The following GRID2 variants were observed in gnomAD, a reference collection of about 807,000 sequenced individuals.
The protein encoded by GRID2 is glutamate receptor ionotropic, delta-2.
A neutral mutation model predicts 114.8 loss-of-function variants in GRID2; 33 were observed. The observed-to-expected ratio is 0.29, with a 90% CI of 0.22 to 0.38. GRID2 has a LOEUF of 0.38. Ranked by LOEUF, GRID2 falls within the 10% of genes least tolerant of loss-of-function variation. GRID2 has a pLI of 1.00. For missense variants in GRID2, 1,184 were observed against 1,257.7 expected (o/e 0.94, Z 0.89); for synonymous variants, 505 against 449.9 (o/e 1.12, Z -1.55).
chr4:93,153,807 T>A (rs1579132938), intron 4 of GRID2, among the ~76,000 whole-genome samples: 1 of 152,234 alleles, frequency 6.6e-6, no homozygotes, highest in East Asian at 1.9e-4. Flanking sequence ...GGAATTTAGT[T>A]CTCCTAAGAT....
intron 8 of GRID2, among the ~76,000 whole-genome samples, chr4:93,245,506 G>A (rs1384285533): frequency 6.6e-6 from 1 of 152,092 alleles, no homozygotes; most frequent in Non-Finnish European, 1.5e-5. Context: ...GAAATAGTGA[G>A]TACTTAAATT....
intron 8 of GRID2, among the ~76,000 whole-genome samples, chr4:93,300,910 A>G (rs1485764962): frequency 1.3e-5 from 2 of 152,218 alleles, no homozygotes; most frequent in Non-Finnish European, 2.9e-5. Context: ...AGAACAGGGC[A>G]GGGAGTTTCA....
intron 13 of GRID2, among the ~76,000 whole-genome samples, chr4:93,520,075 G>A (rs186919012): frequency 3.3e-5 from 5 of 152,280 alleles, no homozygotes; most frequent in Admixed American, 6.5e-5. Flanking sequence ...ACAAATCCCA[G>A]ACCCTAAGAA....
intron 1 of GRID2, among the ~76,000 whole-genome samples, chr4:92,328,579 A>G (rs1285799467): frequency 6.6e-6 from 1 of 152,016 alleles, no homozygotes; most frequent in Non-Finnish European, 1.5e-5. Flanking sequence ...TAAATTTACT[A>G]TAGCATTAAA....
chr4:92,459,301 G>A (rs1344345895), intron 1 of GRID2, among the ~76,000 whole-genome samples: 1 of 152,106 alleles, frequency 6.6e-6, no homozygotes, highest in Non-Finnish European at 1.5e-5. Context: ...AAATACATAT[G>A]CCAAAGTCCA....
chr4:93,650,491 A>G (rs1243179895), intron 14 of GRID2, among the ~76,000 whole-genome samples: 1 of 152,180 alleles, frequency 6.6e-6, no homozygotes, highest in East Asian at 1.9e-4. Context: ...ACTCAAAATT[A>G]CTGTGCAAAG....
At chr4:93,436,162 A>T (rs1435542722) in intron 10 of GRID2, among the ~76,000 whole-genome samples, 2 of 152,238 alleles carry the variant, frequency 1.3e-5, no homozygotes, top group East Asian at 3.9e-4. Flanking sequence ...GGCTCCTTTC[A>T]TCAGGCTTTG....
chr4:93,119,585 A>G (rs2149360632), intron 4 of GRID2, among the ~76,000 whole-genome samples: 1 of 152,282 alleles, frequency 6.6e-6, no homozygotes, highest in South Asian at 2.1e-4. Context: ...GTTCCATGAC[A>G]TCCTTTTATT....
chr4:92,357,756 TC>T, intron 1 of GRID2, among the ~76,000 whole-genome samples: 1 of 151,866 alleles, frequency 6.6e-6, no homozygotes, highest in Non-Finnish European at 1.5e-5. Flanking sequence ...GTTCTTTGAG[TC>T]ACAGTATTTT....
chr4:92,481,043 A>G (rs1021996292), intron 1 of GRID2, among the ~76,000 whole-genome samples: 1 of 152,170 alleles, frequency 6.6e-6, no homozygotes, highest in South Asian at 2.1e-4. Context: ...ATCTCAATAC[A>G]GTGAAATCAC....
chr4:92,815,848 G>C (rs1740869293), intron 2 of GRID2, among the ~76,000 whole-genome samples: 1 of 146,500 alleles, frequency 6.8e-6, no homozygotes, highest in Non-Finnish European at 1.5e-5. Flanking sequence ...CTGAGTCCAG[G>C]AGGCTGCAGT....
At chr4:93,534,813 GCTAA>G (rs1354823301) in intron 13 of GRID2, among the ~76,000 whole-genome samples, 20 of 150,666 alleles carry the variant, frequency 1.3e-4, no homozygotes, top group African/African-American at 4.4e-4. Flanking sequence ...CCACAACCAA[GCTAA>G]CTAACACACC....
intron 1 of GRID2, among the ~76,000 whole-genome samples, chr4:92,367,554 G>A (rs1728928208): frequency 2.0e-5 from 3 of 151,964 alleles, no homozygotes; most frequent in Non-Finnish European, 4.4e-5. Context: ...TCTACATACA[G>A]GGGTGACTAA....
intron 8 of GRID2, among the ~76,000 whole-genome samples, chr4:93,344,670 T>C (rs1338198181): frequency 6.7e-6 from 1 of 148,618 alleles, no homozygotes; most frequent in Non-Finnish European, 1.5e-5. Context: ...TATATTTTTA[T>C]AATATATTAT....
rs796259486 is a variant in GRID2, at chr4:92,355,415, C to T, written c.88+50671C>T. 4.6e-5 allele frequency among the ~76,000 whole-genome samples: 7 copies of T among 151,656 alleles called. 1 individual carries two copies. In the South Asian group the frequency reaches 8.3e-4, roughly 18 times the overall value. On this transcript the variant is annotated intron_variant, in intron 1 of 15. Transcript: ENST00000282020. ...GCTTGAGCAATTATTAGCATTTAGA[C>T]TATAGATTTTTATGAAGTAAATATT...
At chr4:93,785,315 A>G (rs1264331974) in intron 1 of GRID2, among the ~76,000 whole-genome samples, 1 of 152,236 alleles carries the variant, frequency 6.6e-6, no homozygotes, top group Non-Finnish European at 1.5e-5. Context: ...GGCAATGACA[A>G]TAAATTGGAA....
At chr4:92,340,021 A>T (rs1727394659) in intron 1 of GRID2, among the ~76,000 whole-genome samples, 1 of 152,194 alleles carries the variant, frequency 6.6e-6, no homozygotes, top group South Asian at 2.1e-4. Flanking sequence ...CTGGGAAAAA[A>T]TATTGTATAT....
intron 2 of GRID2, among the ~76,000 whole-genome samples, chr4:92,603,456 C>T (rs1729316699): frequency 6.6e-6 from 1 of 152,068 alleles, no homozygotes; most frequent in African/African-American, 2.4e-5. Context: ...AAAGGATTCC[C>T]TATTTAATAA....
chr4:93,516,773 G>A (rs1286360599), intron 13 of GRID2, among the ~76,000 whole-genome samples: 2 of 151,994 alleles, frequency 1.3e-5, no homozygotes, highest in African/African-American at 4.8e-5. Flanking sequence ...TTTGTGTTCA[G>A]AATAAGTATA....
Sources: allele counts gnomAD v4.1 joint callset (sites outside exome capture counted in the v4.1 genomes callset), GRCh38; gene constraint gnomAD v4.1.1; transcripts MANE v1.5; gene names NCBI Gene and HGNC (gene_info 2026-07-23, HGNC 2026-07-21).